The following KLHL20 variants were observed in gnomAD, a reference collection of about 807,000 sequenced individuals.
KLHL20 encodes kelch-like protein 20.
A neutral mutation model predicts 69.5 loss-of-function variants in KLHL20; 29 were observed. The observed-to-expected ratio is 0.42, with a 90% CI of 0.31 to 0.57. The LOEUF is 0.57. KLHL20 is among the 20% of genes least tolerant of loss of function. KLHL20 has a pLI of 0.18. For synonymous variants in KLHL20, 253 were observed against 265.2 expected, an observed-to-expected ratio of 0.95 and a Z score of 0.45; for missense variants, 419 against 776.0, an observed-to-expected ratio of 0.54 and a Z score of 5.47.
At chr1:173,756,192 T>C (rs1673539540) in intron 6 of KLHL20, among the ~76,000 whole-genome samples, 154 bp downstream of exon 6, 1 of 152,226 alleles carries the variant, frequency 6.6e-6, no homozygotes, top group South Asian at 2.1e-4. Context: ...GATTCCACAC[T>C]GATATACTCC....
At chr1:173,768,234 C>T (rs73035152) in intron 8 of KLHL20, among the ~76,000 whole-genome samples, 3,854 of 152,168 alleles carry the variant, frequency 0.025, 175 homozygotes, top group African/African-American at 0.089. Context: ...GCCATAGTCA[C>T]TTTATACTGG....
intron 7 of KLHL20, among the ~76,000 whole-genome samples, chr1:173,765,069 TAAGG>T (rs1030830702): frequency 1.1e-4 from 16 of 151,938 alleles, no homozygotes; most frequent in Non-Finnish European, 1.6e-4. Context: ...CATTTGGAAA[TAAGG>T]AAGATGCAAA....
chr1:173,716,353 T>C (rs1012458138), intron 2 of KLHL20, among the ~76,000 whole-genome samples: 2 of 152,180 alleles, frequency 1.3e-5, no homozygotes, highest in African/African-American at 2.4e-5. Flanking sequence ...TATGATACTA[T>C]ATGGATTTAT....
intron 2 of KLHL20, among the ~76,000 whole-genome samples, chr1:173,718,948 AC>A (rs1277884002): frequency 6.6e-6 from 1 of 151,668 alleles, no homozygotes; most frequent in Non-Finnish European, 1.5e-5. Context: ...ACTAAAAAAT[AC>A]AAAAAATTAG....
intron 3 of KLHL20, among the ~76,000 whole-genome samples, chr1:173,745,903 C>T (rs574636072): frequency 6.6e-6 from 1 of 152,070 alleles, no homozygotes; most frequent in South Asian, 2.1e-4. Context: ...GCGGAGGTTG[C>T]AGTGAGCTGA....
intron 8 of KLHL20, among the ~76,000 whole-genome samples, chr1:173,769,156 A>C (rs61649485): frequency 0.082 from 12,549 of 152,198 alleles, 746 homozygotes; most frequent in East Asian, 0.32. Flanking sequence ...TGTCCTGTGC[A>C]TTGTAGGATG....
At chr1:173,755,785 T>C (rs1263785713) in intron 5 of KLHL20, 138 bp from the exon 6 acceptor site, 2 of 589,908 alleles carry the variant, frequency 3.4e-6, no homozygotes, top group Non-Finnish European at 6.1e-6. Flanking sequence ...GTGCCAATTT[T>C]AATATTGGCT....
intron 8 of KLHL20, among the ~76,000 whole-genome samples, chr1:173,773,035 G>A (rs1648195933): frequency 6.6e-6 from 1 of 152,102 alleles, no homozygotes; most frequent in African/African-American, 2.4e-5. Context: ...GGAGTGCAGT[G>A]GTGCAATAAT....
intron 4 of KLHL20, among the ~76,000 whole-genome samples, chr1:173,752,385 T>A (rs1673355165): frequency 2.0e-5 from 3 of 152,232 alleles, no homozygotes; most frequent in African/African-American, 7.2e-5. Flanking sequence ...TTTGGTTGCT[T>A]ATTAATGTGG....
intron 7 of KLHL20, among the ~76,000 whole-genome samples, chr1:173,762,353 C>A (rs939098282): frequency 2.0e-5 from 3 of 151,944 alleles, no homozygotes; most frequent in Non-Finnish European, 4.4e-5. Context: ...AAAGAAGGAA[C>A]CCTCCCTAAT....
chr1:173,781,204 A>G (rs2102541377), intron 10 of KLHL20, among the ~76,000 whole-genome samples: 1 of 152,318 alleles, frequency 6.6e-6, no homozygotes, highest in East Asian at 1.9e-4. Flanking sequence ...GGGAAACTAT[A>G]AGAGGTGAGG....
chr1:173,748,164 T>A (rs996655057), intron 3 of KLHL20, among the ~76,000 whole-genome samples: 202 of 152,176 alleles, frequency 1.3e-3, no homozygotes, highest in African/African-American at 4.6e-3. Context: ...ATTGAATTAA[T>A]AATTTAAAAA....
In KLHL20 at chr1:173,728,149, C is replaced by G. The variant is rs1459856136; in HGVS notation, c.24-5564C>G. Among the ~76,000 whole-genome samples, 4 of 152,086 alleles carry G rather than the reference C, an allele frequency of 2.6e-5. No homozygotes were observed. The East Asian group carries it at 7.7e-4, about 29-fold the overall frequency. ...CCAACAAAGATCAAAAGAGACAAGGCCATTGCATAATGGTAAAGGGATCAA... is the reference window on the plus strand; with the variant it reads ...CCAACAAAGATCAAAAGAGACAAGGGCATTGCATAATGGTAAAGGGATCAA... On this transcript the variant is annotated intron_variant, in intron 2 of 11. Coordinates refer to ENST00000209884, the MANE Select transcript of KLHL20 (RefSeq NM_014458.4).
chr1:173,760,414 G>T (rs1017708068), intron 7 of KLHL20, among the ~76,000 whole-genome samples: 1 of 152,130 alleles, frequency 6.6e-6, no homozygotes, highest in Non-Finnish European at 1.5e-5. Flanking sequence ...TAGGCACGTT[G>T]TCATCAGGTT....
intron 3 of KLHL20, 28 bp downstream of exon 3, chr1:173,734,314 C>T: frequency 2.5e-6 from 4 of 1,592,506 alleles, no homozygotes; most frequent in African/African-American, 1.3e-5. Flanking sequence ...TTCCAATGCA[C>T]CCATTTGTTG....
At position 173,780,582 on chromosome 1, in the gene KLHL20, C is replaced by T. The variant is rs558808066; in HGVS notation, c.1639-1542C>T. ...TACTTGAGCCCAGGAATTTGAGACC[C>T]GCGTGGGCAACATGTGGGACCCCAT... On this transcript the variant is annotated intron_variant, in intron 10 of 11. Transcript: ENST00000209884. Among the ~76,000 whole-genome samples the T allele has an allele frequency of 3.4e-4, 51 of 152,114 alleles. 1 individual carries two copies. Among genetic ancestry groups the T allele is most frequent in the African/African-American group, 5.1e-4 (21 of 41,498 alleles).
chr1:173,763,080 C>T (rs1647424461), intron 7 of KLHL20, among the ~76,000 whole-genome samples: 1 of 152,076 alleles, frequency 6.6e-6, no homozygotes, highest in Non-Finnish European at 1.5e-5. Flanking sequence ...TATACACCAA[C>T]AGCAACCAAG....
chr1:173,716,173 T>A, intron 2 of KLHL20, 107 bp downstream of exon 2: 1 of 968,740 alleles, frequency 1.0e-6, no homozygotes, highest in Non-Finnish European at 1.6e-6. Context: ...TGCTTGGAAC[T>A]AATGAGTCTT....
chr1:173,769,431 A>C (rs556293796), intron 8 of KLHL20, among the ~76,000 whole-genome samples: 1 of 152,178 alleles, frequency 6.6e-6, no homozygotes, highest in Non-Finnish European at 1.5e-5. Context: ...GACGAGGGCA[A>C]CAGATGCCCT....
Sources: allele counts gnomAD v4.1 joint callset (sites outside exome capture counted in the v4.1 genomes callset), GRCh38; gene constraint gnomAD v4.1.1; transcripts MANE v1.5; gene names NCBI Gene and HGNC (gene_info 2026-07-23, HGNC 2026-07-21).